Variants in SLC24A2 observed in about 807,000 individuals in gnomAD.
The protein encoded by SLC24A2 is solute carrier family 24 member 2.
Under a neutral mutation model 62.0 loss-of-function variants are expected in SLC24A2, and 36 were observed. The ratio of observed to expected loss-of-function variants is 0.58; its 90% CI spans 0.44 to 0.77. The LOEUF (loss-of-function observed/expected upper bound fraction) is 0.77. Among genes scored for constraint, SLC24A2 ranks in the 30% least tolerant of loss-of-function variants. The pLI is 0.00. For missense variants in SLC24A2, 846 were observed against 817.9 expected (o/e 1.03, Z -0.42); for synonymous variants, 358 against 294.0 (o/e 1.22, Z -2.23).
chr9:19,972,175 C>G, the SLC24A2 span, among the ~76,000 whole-genome samples: 3 of 151,922 alleles, frequency 2.0e-5, no homozygotes, highest in Non-Finnish European at 4.4e-5. Context: ...AGGCCAGTAT[C>G]TTGGTGGCAG....
chr9:19,702,322 A>G (rs1374499607), intron 2 of SLC24A2, among the ~76,000 whole-genome samples: 4 of 152,168 alleles, frequency 2.6e-5, no homozygotes, highest in African/African-American at 9.6e-5. Context: ...AAAGCAATCT[A>G]TTCACAAACC....
chr9:20,029,314 C>A, the SLC24A2 span, among the ~76,000 whole-genome samples: 1 of 152,220 alleles, frequency 6.6e-6, no homozygotes, highest in Non-Finnish European at 1.5e-5. Context: ...GCATGCTCAT[C>A]ATTAATTTCC....
the SLC24A2 span, among the ~76,000 whole-genome samples, chr9:20,122,377 G>T: frequency 6.6e-6 from 1 of 152,146 alleles, no homozygotes; most frequent in African/African-American, 2.4e-5. Flanking sequence ...AATTTGTGTT[G>T]TTTGTTCATT....
At chr9:20,097,610 T>C in the SLC24A2 span, among the ~76,000 whole-genome samples, 10 of 152,014 alleles carry the variant, frequency 6.6e-5, no homozygotes, top group African/African-American at 2.4e-4. Context: ...TCTTACAGGT[T>C]GGACTGGGTA....
intron 2 of SLC24A2, among the ~76,000 whole-genome samples, chr9:19,737,620 T>C (rs1253430694): frequency 6.6e-6 from 1 of 152,074 alleles, no homozygotes; most frequent in Non-Finnish European, 1.5e-5. Flanking sequence ...TTTTGATATA[T>C]TTTTATAAAA....
chr9:19,787,058 A>C (rs537680107), intron 1 of SLC24A2, 39 bp from the exon 2 acceptor site: 1 of 1,339,442 alleles, frequency 7.5e-7, no homozygotes, highest in South Asian at 1.9e-5. Context: ...TAAATCATAA[A>C]ATCACGTCTT....
the SLC24A2 span, among the ~76,000 whole-genome samples, chr9:20,170,900 C>T: frequency 1.3e-5 from 2 of 151,958 alleles, no homozygotes; most frequent in Non-Finnish European, 2.9e-5. Context: ...AAGGTTACTG[C>T]CTAGGCACAT....
the SLC24A2 span, among the ~76,000 whole-genome samples, chr9:20,280,293 T>C: frequency 6.6e-6 from 1 of 152,182 alleles, no homozygotes; most frequent in African/African-American, 2.4e-5. Context: ...TCAGGCAAGG[T>C]ACCATTTTTT....
the SLC24A2 span, among the ~76,000 whole-genome samples, chr9:20,197,490 G>C: frequency 2.9e-5 from 4 of 135,912 alleles, no homozygotes; most frequent in Non-Finnish European, 6.1e-5. Context: ...AGAATGCAGT[G>C]GCACAATCAC....
chr9:19,723,016 T>C (rs977219668), intron 2 of SLC24A2, among the ~76,000 whole-genome samples: 7 of 152,120 alleles, frequency 4.6e-5, no homozygotes, highest in African/African-American at 1.7e-4. Context: ...GTTCAATTTT[T>C]AATTCAAGGA....
chr9:20,246,076 G>A, the SLC24A2 span, among the ~76,000 whole-genome samples: 7 of 152,304 alleles, frequency 4.6e-5, no homozygotes, highest in East Asian at 1.9e-4. Flanking sequence ...ATAAGATCAT[G>A]TGTACATAAA....
the SLC24A2 span, among the ~76,000 whole-genome samples, chr9:20,225,311 G>A: frequency 4.0e-5 from 6 of 151,388 alleles, no homozygotes; most frequent in Non-Finnish European, 5.9e-5. Flanking sequence ...GCAAAAATTC[G>A]GCAACAGTCT....
At chr9:19,739,323 G>T (rs1002767086) in intron 2 of SLC24A2, among the ~76,000 whole-genome samples, 8 of 152,060 alleles carry the variant, frequency 5.3e-5, no homozygotes, top group Admixed American at 3.3e-4. Context: ...ATTCTATCAG[G>T]TAATTTGAAA....
chr9:20,084,451 CTTCCTTTCCTTCCTTCTTTTCCT>C, the SLC24A2 span, among the ~76,000 whole-genome samples: 2 of 151,672 alleles, frequency 1.3e-5, no homozygotes, highest in Non-Finnish European at 2.9e-5. Flanking sequence ...TTCTTCCTTC[CTTCCTTTCCTTCCTTCTTTTCCT>C]TTCCTTTCCT....
chr9:20,122,687 A>C, the SLC24A2 span, among the ~76,000 whole-genome samples: 1 of 152,138 alleles, frequency 6.6e-6, no homozygotes, highest in East Asian at 1.9e-4. Context: ...CTCTGTCTCG[A>C]AAAAACAAAC....
the SLC24A2 span, among the ~76,000 whole-genome samples, chr9:20,205,781 C>T: frequency 7.3e-5 from 11 of 151,446 alleles, no homozygotes; most frequent in African/African-American, 1.7e-4. Context: ...ACAACTGACA[C>T]TATTTGCTAT....
At chr9:19,633,349 T>C (rs189460919) in intron 2 of SLC24A2, among the ~76,000 whole-genome samples, 233 of 152,358 alleles carry the variant, frequency 1.5e-3, no homozygotes, top group African/African-American at 5.4e-3. Context: ...AATAAGACCA[T>C]GCTTTTGTTT....
At chr9:19,565,405 C>T (rs957760844) in intron 7 of SLC24A2, among the ~76,000 whole-genome samples, 2 of 150,642 alleles carry the variant, frequency 1.3e-5, no homozygotes, top group Non-Finnish European at 2.9e-5. Context: ...ATCCAACTTA[C>T]AAGGGATGTG....
At chr9:20,147,647 A>C in the SLC24A2 span, among the ~76,000 whole-genome samples, 1 of 152,124 alleles carries the variant, frequency 6.6e-6, no homozygotes, top group African/African-American at 2.4e-5. Context: ...CTTTCAGAAG[A>C]TATGTTTATT....
Sources: allele counts gnomAD v4.1 joint callset (sites outside exome capture counted in the v4.1 genomes callset), GRCh38; gene constraint gnomAD v4.1.1; transcripts MANE v1.5; gene names NCBI Gene and HGNC (gene_info 2026-07-23, HGNC 2026-07-21).